The following BLTP1 variants were observed in gnomAD, a reference collection of about 807,000 sequenced individuals.
BLTP1 encodes the protein fragile site-associated protein.
At chr4:122,196,791 G>A in the BLTP1 span, 1 of 1,486,510 alleles carries the variant, frequency 6.7e-7, no homozygotes, top group South Asian at 1.3e-5. Flanking sequence ...CCAAAAATAG[G>A]GTAATTATTA....
the BLTP1 span, chr4:122,238,448 T>A: frequency 1.1e-6 from 1 of 912,778 alleles, no homozygotes. Context: ...ACTCCCCCAC[T>A]TTAGAAAATT....
the BLTP1 span, chr4:122,205,815 C>CAT: frequency 4.5e-6 from 1 of 220,326 alleles, no homozygotes. Flanking sequence ...CACACACACA[C>CAT]ACGTTCTAAT....
chr4:122,190,362 C>T, the BLTP1 span: 2 of 875,622 alleles, frequency 2.3e-6, no homozygotes. Flanking sequence ...TCCCAAAGTG[C>T]TGGGATTGTA....
At chr4:122,258,669 T>C in the BLTP1 span, 26 of 1,591,886 alleles carry the variant, frequency 1.6e-5, no homozygotes, top group Non-Finnish European at 2.2e-5. Context: ...TGTGATAATC[T>C]ATTGCTCACT....
At chr4:122,263,956 TA>T in the BLTP1 span, 1 of 321,674 alleles carries the variant, frequency 3.1e-6, no homozygotes, top group Non-Finnish European at 4.5e-6. Context: ...TGAGACCTAA[TA>T]ACTATCATTC....
the BLTP1 span, among the ~76,000 whole-genome samples, chr4:122,265,517 A>G: frequency 6.6e-6 from 1 of 152,186 alleles, no homozygotes; most frequent in East Asian, 1.9e-4. Flanking sequence ...AAAGGAAAGA[A>G]CGGTTAGCAG....
chr4:122,268,570 G>A, the BLTP1 span, among the ~76,000 whole-genome samples: 2 of 152,142 alleles, frequency 1.3e-5, no homozygotes, highest in African/African-American at 4.8e-5. Flanking sequence ...GATATTAAGA[G>A]TGTCTCAAAC....
At chr4:122,314,285 TA>T in the BLTP1 span, 136 of 265,808 alleles carry the variant, frequency 5.1e-4, no homozygotes, top group Non-Finnish European at 5.9e-4. Flanking sequence ...TAGAGTTATA[TA>T]AAAAAAAAGA....
At chr4:122,192,386 G>C in the BLTP1 span, 1 of 1,557,298 alleles carries the variant, frequency 6.4e-7, no homozygotes, top group East Asian at 2.2e-5. Flanking sequence ...AGAGGTACTT[G>C]AGTATGTTAT....
the BLTP1 span, chr4:122,349,782 G>A: frequency 1.3e-6 from 2 of 1,568,726 alleles, no homozygotes; most frequent in African/African-American, 1.4e-5. The surrounding 1 kb of genome is among the most constrained non-coding windows in gnomAD (Gnocchi z 4.5). Flanking sequence ...AGCTGGGCGG[G>A]GGAAGAAAAT....
the BLTP1 span, among the ~76,000 whole-genome samples, chr4:122,240,872 G>A: frequency 1.1e-3 from 175 of 152,198 alleles, 2 homozygotes; most frequent in Middle Eastern, 0.024. Context: ...AGGGGTCATA[G>A]CCAATATGAA....
At chr4:122,261,401 A>G in the BLTP1 span, 1 of 985,190 alleles carries the variant, frequency 1.0e-6, no homozygotes, top group South Asian at 4.7e-5. Context: ...GTGAAATTCC[A>G]AATGCTTAGT....
the BLTP1 span, chr4:122,229,726 C>T: frequency 1.0e-6 from 1 of 964,344 alleles, no homozygotes; most frequent in East Asian, 1.1e-4. Flanking sequence ...AAAAAATTGT[C>T]TATTTTTGTT....
the BLTP1 span, chr4:122,328,127 C>A: frequency 1.9e-6 from 3 of 1,604,970 alleles, no homozygotes; most frequent in Non-Finnish European, 2.6e-6. Flanking sequence ...CAGAACTGGA[C>A]CTTTTGTCAG....
chr4:122,196,178 A>G, the BLTP1 span, among the ~76,000 whole-genome samples: 1 of 152,182 alleles, frequency 6.6e-6, no homozygotes, highest in African/African-American at 2.4e-5. Flanking sequence ...TGTGCCATGC[A>G]CTGCTAAGTG....
At chr4:122,293,050 C>T in the BLTP1 span, 1 of 934,832 alleles carries the variant, frequency 1.1e-6, no homozygotes, top group South Asian at 4.9e-5. Context: ...TAATACTTTT[C>T]AGAAAAATAT....
chr4:122,161,230 A>G, the BLTP1 span: 4 of 511,186 alleles, frequency 7.8e-6, no homozygotes, highest in Non-Finnish European at 7.6e-6. Flanking sequence ...TTGTGATTTC[A>G]TTGTTGCATG....
chr4:122,269,723 A>G, the BLTP1 span: 2 of 979,874 alleles, frequency 2.0e-6, no homozygotes, highest in Non-Finnish European at 2.4e-6. Context: ...CTCTCCTACT[A>G]CTTTGTAAAG....
chr4:122,305,159 A>C, the BLTP1 span: 1 of 977,534 alleles, frequency 1.0e-6, no homozygotes, highest in Non-Finnish European at 1.2e-6. Flanking sequence ...TGAAAATTGT[A>C]GCCGCATATT....
Sources: gnomAD v4.1 joint callset for allele counts (sites outside exome capture counted in the v4.1 genomes callset) on GRCh38, gnomAD v4.1.1 for gene constraint, Gnocchi (gnomAD v3.1) non-coding constraint, MANE v1.5 for transcripts, NCBI Gene and HGNC (gene_info 2026-07-23, HGNC 2026-07-21) for gene names.